CCDC146: variants seen among roughly 807,000 people sequenced by gnomAD.
CCDC146 encodes the protein coiled-coil domain containing 146.
In CCDC146, 92 loss-of-function variants were observed where a neutral mutation model predicts 119.3. The observed-to-expected ratio is 0.77, with a 90% confidence interval of 0.65 to 0.92. The LOEUF is 0.92. Among genes scored for constraint, CCDC146 ranks in the 40% least tolerant of loss-of-function variants. The pLI, the probability that CCDC146 is intolerant of heterozygous loss-of-function variation, is 0.00. For synonymous variants in CCDC146, 372 were observed against 371.8 expected (o/e 1.00, Z -0.01); for missense variants, 1,000 against 1,103.0 (o/e 0.91, Z 1.32).
chr7:77,148,023 G>T (rs189998923), intron 1 of CCDC146, among the ~76,000 whole-genome samples: 1,666 of 152,316 alleles, frequency 0.011, 24 homozygotes, highest in African/African-American at 0.038. Flanking sequence ...GCCTACAGAG[G>T]CAGGCAGGCC....
At chr7:77,128,884 A>G (rs1301894174) in intron 1 of CCDC146, among the ~76,000 whole-genome samples, 1 of 152,136 alleles carries the variant, frequency 6.6e-6, no homozygotes, top group East Asian at 1.9e-4. Context: ...AAAATCTTTA[A>G]GACAGCCTGA....
At chr7:77,221,136 T>C (rs1388100754) in intron 2 of CCDC146, among the ~76,000 whole-genome samples, 4 of 152,096 alleles carry the variant, frequency 2.6e-5, no homozygotes, top group Non-Finnish European at 5.9e-5. Flanking sequence ...ACCAAGGGGA[T>C]AGTGCTATAC....
chr7:77,181,443 A>G (rs1277463919), intron 2 of CCDC146, among the ~76,000 whole-genome samples: 1 of 152,210 alleles, frequency 6.6e-6, no homozygotes, highest in Non-Finnish European at 1.5e-5. Flanking sequence ...TGACTCAGAC[A>G]TAATATATTA....
chr7:77,209,773 G>C (rs1792147796), intron 2 of CCDC146, among the ~76,000 whole-genome samples: 1 of 152,142 alleles, frequency 6.6e-6, no homozygotes, highest in African/African-American at 2.4e-5. Flanking sequence ...ACACCCACAG[G>C]CTCAACACCA....
intron 14 of CCDC146, among the ~76,000 whole-genome samples, chr7:77,281,228 C>G (rs763402190): frequency 1.3e-5 from 2 of 152,068 alleles, no homozygotes; most frequent in Non-Finnish European, 2.9e-5. Flanking sequence ...CCTAAGTGGT[C>G]ATTCGGGTTG....
intron 2 of CCDC146, among the ~76,000 whole-genome samples, chr7:77,177,527 C>T (rs1468695463): frequency 6.6e-6 from 1 of 152,158 alleles, no homozygotes; most frequent in Non-Finnish European, 1.5e-5. Flanking sequence ...TGCTTCAGCG[C>T]GCATTTCACT....
chr7:77,257,047 A>G (rs1461656216), intron 6 of CCDC146, among the ~76,000 whole-genome samples: 1 of 152,110 alleles, frequency 6.6e-6, no homozygotes, highest in Non-Finnish European at 1.5e-5. Context: ...TGGAGATTGC[A>G]GTGAGCTGAG....
In CCDC146 at chr7:77,280,454, C is replaced by T. The variant is rs574973577; in HGVS notation, c.1720C>T (p.His574Tyr). Residue 574 changes from histidine (H) to tyrosine (Y), a missense_variant, in exon 14 of 19, where the codon CAC becomes TAC. By Grantham distance (83) the His-to-Tyr change is moderately conservative. Transcript: ENST00000285871. ...AAAGCTACAAAATTCCATGCTGAAA[C>T]ACGCCAACAATGTTACCATCAGAGA... is the stretch of plus-strand genomic sequence containing the variant. The part of the protein sequence containing the change: ...ERKLQNSMLK[H>Y]ANNVTIRESM... 1 of 1,612,434 alleles carries T rather than the reference C, an allele frequency of 6.2e-7. No homozygotes were observed. Among genetic ancestry groups the T allele is most frequent in the East Asian group, 2.2e-5 (1 of 44,872 alleles).
At chr7:77,201,685 T>C (rs1301370471) in intron 2 of CCDC146, among the ~76,000 whole-genome samples, 1 of 152,222 alleles carries the variant, frequency 6.6e-6, no homozygotes, top group Non-Finnish European at 1.5e-5. Flanking sequence ...TTATGACTTT[T>C]TTTCTTCCAT....
At chr7:77,185,130 T>C (rs1791644488) in intron 2 of CCDC146, among the ~76,000 whole-genome samples, 1 of 152,070 alleles carries the variant, frequency 6.6e-6, no homozygotes, top group Admixed American at 6.6e-5. Context: ...AAGTATTGCC[T>C]CCTTATTCCA....
rs59868583 is a variant in CCDC146 at position 77,255,755 on chromosome 7, A to G, written c.508-578A>G. 1.4e-3 allele frequency among the ~76,000 whole-genome samples: 216 copies of G among 152,320 alleles called. 1 individual carries two copies. The highest frequency in any genetic ancestry group is 0.01 in the Middle Eastern group (3 of 294). On this transcript the variant is annotated intron_variant, in intron 5 of 18. Coordinates refer to ENST00000285871, the MANE Select transcript of CCDC146 (RefSeq NM_020879.3). The stretch of plus-strand genomic sequence containing the variant: ...TCAAACCCTCCCCAGGTAATCAGAC[A>G]TGAGACAAAGATCTTTGATGATTCT...
rs147304201 is a variant in CCDC146 at position 77,244,093 on chromosome 7, G to C, written c.449+2193G>C. Reference sequence around the variant, plus strand: ...GGATTTCACCATCTTGGCCAGGGTGGTCTTGAACTCCTGTATGTCTTTGTT... The same window carrying C: ...GGATTTCACCATCTTGGCCAGGGTGCTCTTGAACTCCTGTATGTCTTTGTT... On this transcript the variant is annotated intron_variant, in intron 4 of 18. Transcript: ENST00000285871. Among the ~76,000 whole-genome samples, 7 of 152,102 alleles carry C rather than the reference G, an allele frequency of 4.6e-5. No homozygotes were observed. The East Asian group carries it at 1.4e-3, about 29-fold the overall frequency.
At chr7:77,282,020 G>C (rs1201761221) in intron 14 of CCDC146, among the ~76,000 whole-genome samples, 2 of 152,128 alleles carry the variant, frequency 1.3e-5, no homozygotes, top group Non-Finnish European at 2.9e-5. Context: ...TTCAAGGAGG[G>C]GTCTTTCTCC....
chr7:77,202,117 T>C (rs1207283391), intron 2 of CCDC146, among the ~76,000 whole-genome samples: 2 of 152,266 alleles, frequency 1.3e-5, no homozygotes, highest in African/African-American at 4.8e-5. Context: ...CTTTCATTCA[T>C]TTATTCCTCA....
intron 9 of CCDC146, among the ~76,000 whole-genome samples, chr7:77,264,361 A>G (rs1258854442): frequency 1.3e-5 from 2 of 152,090 alleles, no homozygotes. Flanking sequence ...GGGTTTAAGC[A>G]ATTCTCGTAC....
intron 2 of CCDC146, among the ~76,000 whole-genome samples, chr7:77,212,507 GC>G (rs932712327): frequency 2.8e-4 from 42 of 151,240 alleles, no homozygotes; most frequent in African/African-American, 8.7e-4. Flanking sequence ...TGTAGTCCCA[GC>G]TACTTCAGAG....
At chr7:77,216,698 T>G (rs948696920) in intron 2 of CCDC146, among the ~76,000 whole-genome samples, 1 of 152,182 alleles carries the variant, frequency 6.6e-6, no homozygotes, top group Non-Finnish European at 1.5e-5. Context: ...TTACTGGATG[T>G]TTACTTCCTA....
At chr7:77,243,604 C>T (rs1417637055) in intron 4 of CCDC146, among the ~76,000 whole-genome samples, 1 of 152,124 alleles carries the variant, frequency 6.6e-6, no homozygotes, top group Admixed American at 6.5e-5. Flanking sequence ...TATAATGAAG[C>T]TGAAAATTTA....
intron 2 of CCDC146, among the ~76,000 whole-genome samples, chr7:77,197,755 A>G (rs1284999303): frequency 6.6e-6 from 1 of 152,218 alleles, no homozygotes; most frequent in Non-Finnish European, 1.5e-5. Context: ...ATCTTTTTCA[A>G]TGACACACCA....
Sources: gnomAD v4.1 joint callset for allele counts (sites outside exome capture counted in the v4.1 genomes callset) on GRCh38, gnomAD v4.1.1 for gene constraint, MANE v1.5 for transcripts, NCBI Gene and HGNC (gene_info 2026-07-23, HGNC 2026-07-21) for gene names.